The following DOK6 variants were observed in gnomAD, a reference collection of about 807,000 sequenced individuals.
The protein encoded by DOK6 is docking protein 6, also known as downstream of tyrosine kinase 6.
DOK6 carries 22 observed loss-of-function variants against 44.0 expected under a neutral mutation model. The ratio of observed to expected loss-of-function variants is 0.50; its 90% confidence interval spans 0.36 to 0.71. The LOEUF is 0.71. Among genes scored for constraint, DOK6 ranks in the 30% least tolerant of loss-of-function variants. The probability of loss-of-function intolerance (pLI) is 0.00; values close to 1 mark genes in which losing one functional copy is unlikely to be tolerated. For synonymous variants in DOK6, 166 were observed against 145.5 expected (o/e 1.14, Z -1.01); for missense variants, 340 against 416.4 (o/e 0.82, Z 1.60).
intron 6 of DOK6, among the ~76,000 whole-genome samples, chr18:69,739,534 T>C (rs1002817557): frequency 7.9e-5 from 12 of 152,222 alleles, no homozygotes; most frequent in African/African-American, 2.7e-4. Context: ...GTTCTAGCTC[T>C]TCCTGTATGT....
chr18:69,683,711 C>A (rs1986090577), intron 4 of DOK6, among the ~76,000 whole-genome samples: 1 of 152,202 alleles, frequency 6.6e-6, no homozygotes, highest in African/African-American at 2.4e-5. Context: ...TTCTAGCCTC[C>A]AGAACTATGA....
At chr18:69,418,335 A>T (rs1978394641) in intron 1 of DOK6, among the ~76,000 whole-genome samples, 1 of 152,290 alleles carries the variant, frequency 6.6e-6, no homozygotes, top group African/African-American at 2.4e-5. Flanking sequence ...TTTATGTCAA[A>T]TTCAAATGGA....
At chr18:69,721,880 A>G (rs1978289196) in intron 5 of DOK6, among the ~76,000 whole-genome samples, 1 of 152,240 alleles carries the variant, frequency 6.6e-6, no homozygotes. Flanking sequence ...AGGATCATTG[A>G]AAGTTTATTC....
chr18:69,490,633 C>T (rs1980709451), intron 1 of DOK6, among the ~76,000 whole-genome samples: 1 of 151,940 alleles, frequency 6.6e-6, no homozygotes, highest in East Asian at 1.9e-4. Flanking sequence ...AAGTTATGAC[C>T]ATCTACATAC....
rs10604661 is a variant in DOK6, at chr18:69,659,850, T to TTA, written c.290-17869_290-17868dup. ...TATATATATATAACATATATGTATG[T>TTA]TATATATATATATATAAAACATATA... On this transcript the variant is annotated intron_variant, in intron 3 of 7. Coordinates refer to ENST00000382713, the MANE Select transcript of DOK6 (RefSeq NM_152721.6). 7.5e-5 allele frequency: 4 copies of TTA among 53,248 alleles called. 1 individual carries two copies. The highest frequency in any genetic ancestry group is 2.6e-4 in the African/African-American group (4 of 15,624). 3.3% of individuals were successfully genotyped at this position (53,248 alleles called of 1,614,324 possible).
chr18:69,533,710 T>C (rs984475024), intron 1 of DOK6, among the ~76,000 whole-genome samples: 2 of 152,180 alleles, frequency 1.3e-5, no homozygotes, highest in East Asian at 3.8e-4. Context: ...GTAGACTGTA[T>C]TATTTTCCTT....
chr18:69,657,675 G>A (rs1315637694), intron 3 of DOK6, among the ~76,000 whole-genome samples: 1 of 152,154 alleles, frequency 6.6e-6, no homozygotes, highest in Admixed American at 6.5e-5. Context: ...TAACAAAATA[G>A]TCTCAAAATA....
intron 1 of DOK6, among the ~76,000 whole-genome samples, chr18:69,500,498 C>T (rs1981018369): frequency 2.0e-5 from 3 of 152,238 alleles, no homozygotes; most frequent in Middle Eastern, 3.4e-3. Context: ...GGATGTTCAA[C>T]TCCTCTGGAA....
chr18:69,459,338 A>G (rs988322845), intron 1 of DOK6, among the ~76,000 whole-genome samples: 5 of 151,680 alleles, frequency 3.3e-5, no homozygotes, highest in Non-Finnish European at 4.4e-5. Flanking sequence ...TTCTGTTAAT[A>G]TTATGTGCTT....
chr18:69,830,469 C>T (rs971220328), intron 7 of DOK6, among the ~76,000 whole-genome samples: 9 of 152,076 alleles, frequency 5.9e-5, no homozygotes, highest in African/African-American at 1.4e-4. Context: ...GAGGAAAGGC[C>T]GTGTGAGGAC....
chr18:69,594,615 T>TA (rs1336872424), intron 2 of DOK6, among the ~76,000 whole-genome samples: 1 of 137,428 alleles, frequency 7.3e-6, no homozygotes, highest in Non-Finnish European at 1.6e-5. Flanking sequence ...AAAGAAGAAA[T>TA]AAAAGGCATC....
chr18:69,401,901 C>A (rs1211649023), intron 1 of DOK6, among the ~76,000 whole-genome samples: 1 of 152,166 alleles, frequency 6.6e-6, no homozygotes, highest in East Asian at 1.9e-4. Context: ...GGTGTGTGCC[C>A]CGCGCCCGCC....
At chr18:69,619,972 T>A (rs187878508) in intron 3 of DOK6, among the ~76,000 whole-genome samples, 1 of 152,324 alleles carries the variant, frequency 6.6e-6, no homozygotes, top group Non-Finnish European at 1.5e-5. Flanking sequence ...ATTTTTATAT[T>A]CTAAAGGTTG....
At chr18:69,613,951 C>A (rs1984222894) in intron 3 of DOK6, among the ~76,000 whole-genome samples, 1 of 145,202 alleles carries the variant, frequency 6.9e-6, no homozygotes, top group African/African-American at 2.7e-5. Flanking sequence ...TATAATTAAT[C>A]TTTTATTTTT....
At chr18:69,511,093 C>G (rs1353075783) in intron 1 of DOK6, among the ~76,000 whole-genome samples, 2 of 152,112 alleles carry the variant, frequency 1.3e-5, no homozygotes, top group Admixed American at 1.3e-4. Context: ...ACATTGATTC[C>G]TGTTGCTACT....
intron 7 of DOK6, among the ~76,000 whole-genome samples, chr18:69,840,920 T>C (rs1982198678): frequency 6.6e-6 from 1 of 152,224 alleles, no homozygotes; most frequent in Non-Finnish European, 1.5e-5. Context: ...CTTTTCTGCT[T>C]TTATTTCAAA....
intron 1 of DOK6, among the ~76,000 whole-genome samples, chr18:69,440,581 G>C (rs1450738451): frequency 6.6e-6 from 1 of 152,068 alleles, no homozygotes; most frequent in East Asian, 1.9e-4. Flanking sequence ...GATAACTTGA[G>C]CCCAAGTATA....
At chr18:69,496,138 C>T (rs1980881256) in intron 1 of DOK6, among the ~76,000 whole-genome samples, 1 of 152,206 alleles carries the variant, frequency 6.6e-6, no homozygotes, top group South Asian at 2.1e-4. Context: ...TCTGCAGCTG[C>T]CCCAGGAGGG....
rs1348319990 is a variant in DOK6 at position 69,509,663 on chromosome 18, AC to A, written c.67-54823del. ...AAAAAAAAAAAAAAAAAAAAAAAAA[AC>A]ACACAAGTCAGAATATTTGTACTTT... On this transcript the variant is annotated intron_variant, in intron 1 of 7. Transcript: ENST00000382713. Among the ~76,000 whole-genome samples the A allele has an allele frequency of 4.5e-3, 525 of 115,534 alleles. 7 individuals carry two copies. Among genetic ancestry groups the A allele is most frequent in the Middle Eastern group, 0.013 (3 of 228 alleles). 75.8% of individuals were successfully genotyped at this position (115,534 alleles called of 152,430 possible). A position where few individuals can be genotyped will look rare whatever the true frequency, so the allele number is the denominator to read the frequency against.
Sources: gnomAD v4.1 joint callset for allele counts (sites outside exome capture counted in the v4.1 genomes callset) on GRCh38, gnomAD v4.1.1 for gene constraint, MANE v1.5 for transcripts, NCBI Gene and HGNC (gene_info 2026-07-23, HGNC 2026-07-21) for gene names.